The following SYNPO2 variants were observed in gnomAD, a reference collection of about 807,000 sequenced individuals.
SYNPO2 encodes synaptopodin 2, also known as synaptopodin-2.
In SYNPO2, 56 loss-of-function variants were observed where a neutral mutation model predicts 85.0. The ratio of observed to expected loss-of-function variants is 0.66; its 90% CI spans 0.53 to 0.82. SYNPO2 has a LOEUF of 0.82. SYNPO2 is among the 40% of genes least tolerant of loss of function. SYNPO2 has a pLI of 0.00. For synonymous variants in SYNPO2, 602 were observed against 591.1 expected, an observed-to-expected ratio of 1.02 and a Z score of -0.27; for missense variants, 1,575 against 1,534.2, an observed-to-expected ratio of 1.03 and a Z score of -0.44.
At chr4:118,997,239 C>CAAAAAAAAAAAAAAAAAAAA in intron 1 of SYNPO2, among the ~76,000 whole-genome samples, 1 of 65,216 alleles carries the variant, frequency 1.5e-5, no homozygotes, top group East Asian at 4.3e-4. Context: ...GACTCCGTCT[C>CAAAAAAAAAAAAAAAAAAAA]AAAAAAAAAA....
chr4:118,931,218 A>T lies in SYNPO2; in HGVS notation c.105+42077A>T, dbSNP rs533760167. ...AATAAACCTCAGAAATTAAGGATTCATAAGTAAAAAAAAAAATTCAGGATT... is the reference window on the plus strand; with the variant it reads ...AATAAACCTCAGAAATTAAGGATTCTTAAGTAAAAAAAAAAATTCAGGATT... On this transcript the variant is annotated intron_variant, in intron 1 of 4. Coordinates refer to ENST00000307142, the MANE Select transcript of SYNPO2 (RefSeq NM_133477.3). Among the ~76,000 whole-genome samples the T allele has an allele frequency of 1.8e-4, 27 of 152,256 alleles. No individual in the cohort carries two copies. The South Asian group carries it at 5.6e-3, about 32-fold the overall frequency.
In SYNPO2 at chr4:118,943,408, CA is replaced by C. The variant is rs1429032403; in HGVS notation, c.105+54271del. 9.9e-5 allele frequency among the ~76,000 whole-genome samples: 15 copies of C among 152,260 alleles called. No individual in the cohort carries two copies. The East Asian group carries it at 2.9e-3, about 29-fold the overall frequency. ...TGAAGTCAGGGTTTAGCATGAGAAC[CA>C]AAATCATAGGCTTTTTAGCTGACAG... On this transcript the variant is annotated intron_variant, in intron 1 of 4. Coordinates refer to ENST00000307142, the MANE Select transcript of SYNPO2 (RefSeq NM_133477.3).
intron 1 of SYNPO2, among the ~76,000 whole-genome samples, chr4:118,895,906 T>C (rs1259490207): frequency 2.6e-5 from 4 of 152,218 alleles, no homozygotes; most frequent in African/African-American, 9.6e-5. Context: ...CTAAAAATAC[T>C]TCACATGTGT....
At chr4:118,900,421 A>G (rs983321032) in intron 1 of SYNPO2, among the ~76,000 whole-genome samples, 9 of 152,118 alleles carry the variant, frequency 5.9e-5, no homozygotes, top group African/African-American at 2.2e-4. Flanking sequence ...TGCAAGAGAT[A>G]CCATTGGAAC....
At chr4:118,973,528 T>A (rs527984769) in intron 1 of SYNPO2, among the ~76,000 whole-genome samples, 1 of 152,138 alleles carries the variant, frequency 6.6e-6, no homozygotes, top group East Asian at 1.9e-4. Flanking sequence ...ACCATAAAAA[T>A]TTCCCTTCAC....
chr4:118,857,899 C>T (rs1731535164), intron 1 of SYNPO2, among the ~76,000 whole-genome samples: 1 of 152,148 alleles, frequency 6.6e-6, no homozygotes, highest in Non-Finnish European at 1.5e-5. Context: ...AAAAATAGTA[C>T]ACAGTGAGAT....
intron 1 of SYNPO2, among the ~76,000 whole-genome samples, chr4:118,879,331 G>C (rs568584811): frequency 6.6e-6 from 1 of 152,154 alleles, no homozygotes; most frequent in Non-Finnish European, 1.5e-5. Context: ...CTAGGCTCTG[G>C]GGAACTGAAC....
At chr4:118,934,801 A>G (rs1317909741) in intron 1 of SYNPO2, among the ~76,000 whole-genome samples, 1 of 152,190 alleles carries the variant, frequency 6.6e-6, no homozygotes, top group Non-Finnish European at 1.5e-5. Context: ...ACTCATGCCA[A>G]TGAACCAGCT....
intron 4 of SYNPO2, among the ~76,000 whole-genome samples, chr4:119,056,972 T>C (rs1739227029): frequency 6.6e-6 from 1 of 152,216 alleles, no homozygotes; most frequent in Non-Finnish European, 1.5e-5. Flanking sequence ...AGGTTTTGTT[T>C]ATTTTGTACC....
In SYNPO2 at chr4:119,030,990, G is replaced by C. The variant is rs1271097762; in HGVS notation, c.2215G>C (p.Gly739Arg). 1.2e-6 allele frequency: 2 copies of C among 1,614,088 alleles called. No homozygotes were observed. The highest frequency in any genetic ancestry group is 1.7e-6 in the Non-Finnish European group (2 of 1,180,008). Residue 739 changes from glycine (G) to arginine (R), a missense_variant, in exon 4 of 5, where the codon GGG (glycine) becomes CGG (arginine). By Grantham distance (125) the Gly-to-Arg change is moderately radical. This residue lies in a region of SYNPO2 where 1,508 missense variants were observed against 1,446.8 expected (regional missense o/e 1.04). Coordinates refer to ENST00000307142, the MANE Select transcript of SYNPO2 (RefSeq NM_133477.3). ...SGPEEDYLSL[G>R]AEACNFMQSS... Reference sequence around the variant, plus strand: ...ACCGGAAGAAGACTACCTCAGCTTGGGGGCAGAGGCTTGTAATTTCATGCA... The same window carrying C: ...ACCGGAAGAAGACTACCTCAGCTTGCGGGCAGAGGCTTGTAATTTCATGCA...
chr4:119,013,189 C>T (rs761347251), intron 1 of SYNPO2, among the ~76,000 whole-genome samples: 4 of 152,158 alleles, frequency 2.6e-5, no homozygotes, highest in East Asian at 1.9e-4. Flanking sequence ...GCATTCAAGG[C>T]GGTGACACAA....
chr4:119,022,866 TC>T (rs1737791405), intron 1 of SYNPO2, among the ~76,000 whole-genome samples: 1 of 151,884 alleles, frequency 6.6e-6, no homozygotes, highest in South Asian at 2.1e-4. Flanking sequence ...AACCTCCACC[TC>T]CCGGGCTCAT....
intron 1 of SYNPO2, among the ~76,000 whole-genome samples, chr4:118,890,702 T>TCTCTCTCTCTCTCTCTCTCC (rs1732338657): frequency 7.7e-6 from 1 of 129,466 alleles, no homozygotes; most frequent in Non-Finnish European, 1.7e-5. Context: ...TCGGTTTCTC[T>TCTCTCTCTCTCTCTCTCTCC]CTCTCTCTCT....
chr4:118,893,503 C>T (rs190959802), intron 1 of SYNPO2, among the ~76,000 whole-genome samples: 6 of 152,254 alleles, frequency 3.9e-5, no homozygotes, highest in Admixed American at 3.9e-4. Flanking sequence ...GGCTACATTG[C>T]TTGCCAATGG....
intron 4 of SYNPO2, among the ~76,000 whole-genome samples, chr4:119,054,865 T>G (rs1394702657): frequency 6.6e-6 from 1 of 152,188 alleles, no homozygotes; most frequent in African/African-American, 2.4e-5. Context: ...TGCCTAGAAT[T>G]TGTCTGCCTC....
At chr4:118,980,279 G>A (rs1461697899) in intron 1 of SYNPO2, among the ~76,000 whole-genome samples, 2 of 152,044 alleles carry the variant, frequency 1.3e-5, no homozygotes, top group Non-Finnish European at 2.9e-5. Context: ...GTCTTCTAGA[G>A]GCACAGAGTG....
chr4:118,915,763 T>C (rs1162154561), intron 1 of SYNPO2, among the ~76,000 whole-genome samples: 1 of 152,190 alleles, frequency 6.6e-6, no homozygotes, highest in Non-Finnish European at 1.5e-5. Context: ...AAACTCTTGT[T>C]CAAGTTGATG....
At chr4:118,942,351 C>A (rs1734343617) in intron 1 of SYNPO2, among the ~76,000 whole-genome samples, 1 of 152,232 alleles carries the variant, frequency 6.6e-6, no homozygotes, top group East Asian at 1.9e-4. Flanking sequence ...CCACTGTAAC[C>A]CCTGTGCCCG....
intron 4 of SYNPO2, chr4:119,034,440 C>T: frequency 8.1e-6 from 8 of 985,288 alleles, no homozygotes; most frequent in Non-Finnish European, 9.6e-6. Context: ...CTTAGCAGAG[C>T]CACTATTTGG....
Sources: allele counts gnomAD v4.1 joint callset (sites outside exome capture counted in the v4.1 genomes callset), GRCh38; gene constraint gnomAD v4.1.1; regional missense constraint gnomAD v4.1.1; transcripts MANE v1.5; gene names NCBI Gene and HGNC (gene_info 2026-07-23, HGNC 2026-07-21).